The following CACNA2D1 variants were observed in gnomAD, a reference collection of about 807,000 sequenced individuals.
CACNA2D1 encodes the protein voltage-dependent calcium channel subunit alpha-2/delta-1.
CACNA2D1 carries 53 observed loss-of-function variants against 171.5 expected under a neutral mutation model. The ratio of observed to expected loss-of-function variants is 0.31; its 90% CI spans 0.25 to 0.39. CACNA2D1 has a LOEUF of 0.39. Ranked by LOEUF, CACNA2D1 falls within the 10% of genes least tolerant of loss-of-function variation. CACNA2D1 has a pLI of 1.00. For missense variants in CACNA2D1, 903 were observed against 1,299.8 expected (o/e 0.69, Z 4.69); for synonymous variants, 442 against 443.1 (o/e 1.00, Z 0.03).
chr7:81,985,196 C>CTTTTTTTTTTT lies in CACNA2D1; in HGVS notation c.1797-496_1797-486dup, dbSNP rs774555240. Among the ~76,000 whole-genome samples, 2 of 104,192 alleles carry CTTTTTTTTTTT rather than the reference C, an allele frequency of 1.9e-5. 1 individual carries two copies. The highest frequency in any genetic ancestry group is 8.2e-5 in the African/African-American group (2 of 24,278). 68.4% of individuals were successfully genotyped at this position (104,192 alleles called of 152,430 possible). ...AATGGAAGAGTTACTATTATCATTA[C>CTTTTTTTTTTT]TTTTTTTTTTTTTTTTTTTTTGGAG... On this transcript the variant is annotated intron_variant, in intron 21 of 38. Coordinates refer to ENST00000356860, the MANE Select transcript of CACNA2D1 (RefSeq NM_000722.4).
In CACNA2D1 at chr7:82,334,999, A is replaced by C. The variant is rs1419971436; in HGVS notation, c.294+136T>G. 3 of 640,398 alleles carry C rather than the reference A, an allele frequency of 4.7e-6. No individual in the cohort carries two copies. In the African/African-American group the frequency reaches 5.5e-5, roughly 12 times the overall value. 39.7% of individuals were successfully genotyped at this position (640,398 alleles called of 1,614,324 possible). A position where few individuals can be genotyped will look rare whatever the true frequency, so the allele number is the denominator to read the frequency against. ...GTTTGCATTTAAACCATGATATCTC[A>C]TTTTTTATGAACATATCAGATGAAC... On this transcript the variant is annotated intron_variant, in intron 3 of 38. Coordinates refer to ENST00000356860, the MANE Select transcript of CACNA2D1 (RefSeq NM_000722.4).
chr7:82,005,407 C>G lies in CACNA2D1; in HGVS notation c.1590+16G>C. The stretch of plus-strand genomic sequence containing the variant: ...TCTACAAAACACTAATCACTGTAAA[C>G]AAATTATATACTGACCTTTGGCTGA... On this transcript the variant is annotated intron_variant, in intron 18 of 38. Coordinates refer to ENST00000356860, the MANE Select transcript of CACNA2D1 (RefSeq NM_000722.4). 1 of 1,487,058 alleles carries G rather than the reference C, an allele frequency of 6.7e-7. No homozygotes were observed. Among genetic ancestry groups the G allele is most frequent in the East Asian group, 2.3e-5 (1 of 43,624 alleles). 92.1% of individuals were successfully genotyped at this position (1,487,058 alleles called of 1,614,324 possible).
chr7:82,072,592 A>T (rs17242230), intron 7 of CACNA2D1, among the ~76,000 whole-genome samples: 52,296 of 150,296 alleles, frequency 0.35, 10,003 homozygotes, highest in Non-Finnish European at 0.43. Context: ...ACCATCAAGG[A>T]GATTCACAAG....
chr7:82,185,483 GAGGAGGA>G (rs1797588133), intron 3 of CACNA2D1, among the ~76,000 whole-genome samples: 2 of 27,492 alleles, frequency 7.3e-5, no homozygotes, highest in African/African-American at 1.2e-4. Flanking sequence ...GGGGGAGGGG[GAGGAGGA>G]GGGGGAGGGG....
In CACNA2D1 at chr7:82,443,607, C is replaced by G. The variant is rs895442293; in HGVS notation, c.-148G>C. ...GCGCCCGGGGCCCGAGGCGCGGAGC[C>G]GCGCGGGGGACGGCAAGGGCGGGAG... On this transcript the variant is annotated 5_prime_UTR_variant, in exon 1 of 39. Coordinates refer to ENST00000356860, the MANE Select transcript of CACNA2D1 (RefSeq NM_000722.4). 1.6e-3 allele frequency: 2,239 copies of G among 1,372,596 alleles called. 3 individuals are homozygous for G. Among genetic ancestry groups the G allele is most frequent in the Non-Finnish European group, 2.0e-3 (2,100 of 1,068,366 alleles). 85.0% of individuals were successfully genotyped at this position (1,372,596 alleles called of 1,614,324 possible).
At chr7:82,415,329 T>A (rs1828062188) in intron 1 of CACNA2D1, among the ~76,000 whole-genome samples, 1 of 151,768 alleles carries the variant, frequency 6.6e-6, no homozygotes, top group African/African-American at 2.4e-5. Flanking sequence ...AGGTCAGGAG[T>A]TCCAGACCAG....
chr7:82,088,365 A>C (rs1810731700), intron 6 of CACNA2D1, among the ~76,000 whole-genome samples: 1 of 152,172 alleles, frequency 6.6e-6, no homozygotes, highest in Non-Finnish European at 1.5e-5. Flanking sequence ...TATTTTCAGC[A>C]AATATTACTC....
At chr7:82,008,760 TA>T (rs1283878048) in intron 15 of CACNA2D1, among the ~76,000 whole-genome samples, 2 of 152,144 alleles carry the variant, frequency 1.3e-5, no homozygotes, top group Non-Finnish European at 2.9e-5. Context: ...GGATTTGGAA[TA>T]ATTATTCACT....
intron 6 of CACNA2D1, among the ~76,000 whole-genome samples, chr7:82,107,883 C>T (rs1003533428): frequency 2.4e-4 from 36 of 152,044 alleles, no homozygotes; most frequent in African/African-American, 7.5e-4. Context: ...CGCGCCCAGC[C>T]GGAATTTCTT....
intron 21 of CACNA2D1, among the ~76,000 whole-genome samples, chr7:81,987,258 C>G (rs542402512): frequency 1.7e-4 from 26 of 152,202 alleles, no homozygotes; most frequent in Admixed American, 3.3e-4. Context: ...ATCAACATTC[C>G]TAGTCAATGG....
At chr7:82,348,373 A>ATTTTTTTT (rs200075306) in intron 2 of CACNA2D1, among the ~76,000 whole-genome samples, 2 of 150,108 alleles carry the variant, frequency 1.3e-5, no homozygotes, top group Non-Finnish European at 3.0e-5. Flanking sequence ...AGTAATCGAG[A>ATTTTTTTT]TTTTTTTTTT....
intron 1 of CACNA2D1, 88 bp downstream of exon 1, chr7:82,443,277 A>C: frequency 2.8e-5 from 31 of 1,105,160 alleles, no homozygotes; most frequent in Non-Finnish European, 2.9e-5. Flanking sequence ...CCACGGGCGG[A>C]AAAGCCCCGC....
At chr7:82,265,120 A>T (rs762112431) in intron 3 of CACNA2D1, among the ~76,000 whole-genome samples, 8 of 152,244 alleles carry the variant, frequency 5.3e-5, no homozygotes, top group Non-Finnish European at 1.0e-4. Context: ...AGGAAAATCG[A>T]ACTGCATCTG....
rs185604992 is a variant in CACNA2D1, at chr7:82,207,472, A to T, written c.295-36863T>A. On this transcript the variant is annotated intron_variant, in intron 3 of 38. Coordinates refer to ENST00000356860, the MANE Select transcript of CACNA2D1 (RefSeq NM_000722.4). ...TCCAAAAATTATAACATTTTGTTTC[A>T]TTTAACAATTATCCTATGCTGTACT... Among the ~76,000 whole-genome samples, 3 of 152,272 alleles carry T rather than the reference A, an allele frequency of 2.0e-5. No individual in the cohort carries two copies. In the East Asian group the frequency reaches 5.8e-4, roughly 29 times the overall value.
intron 3 of CACNA2D1, among the ~76,000 whole-genome samples, chr7:82,232,208 C>T (rs1043375429): frequency 6.6e-6 from 1 of 152,086 alleles, no homozygotes; most frequent in Non-Finnish European, 1.5e-5. Context: ...TTTAAATAGT[C>T]AGAATACTAA....
intron 4 of CACNA2D1, among the ~76,000 whole-genome samples, chr7:82,151,591 T>C (rs1481609986): frequency 6.6e-6 from 1 of 152,078 alleles, no homozygotes; most frequent in African/African-American, 2.4e-5. Flanking sequence ...AAAAAGAAGA[T>C]AAACTGAATA....
intron 15 of CACNA2D1, among the ~76,000 whole-genome samples, chr7:82,010,848 A>G (rs1181810631): frequency 6.6e-6 from 1 of 152,312 alleles, no homozygotes; most frequent in East Asian, 1.9e-4. Context: ...TTGGAAAAGT[A>G]GTAAGAACAT....
chr7:82,077,740 C>T (rs998451800), intron 7 of CACNA2D1, among the ~76,000 whole-genome samples: 8 of 137,758 alleles, frequency 5.8e-5, no homozygotes, highest in African/African-American at 1.9e-4. Flanking sequence ...AACTATGTGT[C>T]CATAAACAAA....
chr7:82,088,928 C>T (rs1238706788), intron 6 of CACNA2D1, among the ~76,000 whole-genome samples: 3 of 151,868 alleles, frequency 2.0e-5, no homozygotes, highest in African/African-American at 7.3e-5. Flanking sequence ...GAGCATGGAA[C>T]CTAGATCACG....
Sources: gnomAD v4.1 joint callset for allele counts (sites outside exome capture counted in the v4.1 genomes callset) on GRCh38, gnomAD v4.1.1 for gene constraint, MANE v1.5 for transcripts, NCBI Gene and HGNC (gene_info 2026-07-23, HGNC 2026-07-21) for gene names.